The following SPAG17 variants were observed in gnomAD, a reference collection of about 807,000 sequenced individuals.
The protein encoded by SPAG17 is sperm associated antigen 17.
A neutral mutation model predicts 273.6 loss-of-function variants in SPAG17; 169 were observed. That is an observed-to-expected ratio of 0.62 (90% confidence interval 0.55 to 0.70). SPAG17 has a LOEUF of 0.70. Ranked by LOEUF, SPAG17 falls within the 30% of genes least tolerant of loss-of-function variation. The pLI is 0.00. For missense variants in SPAG17, 2,557 were observed against 2,627.8 expected (o/e 0.97, Z 0.59); for synonymous variants, 825 against 873.2 (o/e 0.94, Z 0.97).
At chr1:117,976,556 A>G (rs768629852) in intron 43 of SPAG17, among the ~76,000 whole-genome samples, 1 of 152,174 alleles carries the variant, frequency 6.6e-6, no homozygotes, top group Non-Finnish European at 1.5e-5. Context: ...GAGGGGTAGC[A>G]TGTGCTTCTG....
chr1:118,003,446 CT>C (rs1334774456), intron 32 of SPAG17, among the ~76,000 whole-genome samples: 58 of 152,334 alleles, frequency 3.8e-4, no homozygotes, highest in African/African-American at 1.3e-3. Flanking sequence ...CTCCCCATCA[CT>C]TTCAGGTCCA....
At chr1:118,130,386 G>A (rs1190997342) in intron 3 of SPAG17, among the ~76,000 whole-genome samples, 3 of 152,138 alleles carry the variant, frequency 2.0e-5, no homozygotes, top group Non-Finnish European at 4.4e-5. Flanking sequence ...AAGCTTTCTA[G>A]GGATTCCTAA....
chr1:118,178,196 C>T (rs1660783970), intron 1 of SPAG17, among the ~76,000 whole-genome samples: 1 of 152,014 alleles, frequency 6.6e-6, no homozygotes, highest in African/African-American at 2.4e-5. Context: ...TTTGCACCAA[C>T]CTAATACTAG....
chr1:117,956,306 C>T (rs1652186828), intron 48 of SPAG17, among the ~76,000 whole-genome samples: 1 of 152,064 alleles, frequency 6.6e-6, no homozygotes, highest in African/African-American at 2.4e-5. Context: ...TACATTTTTG[C>T]AATAATTGTT....
At chr1:118,153,632 AG>A (rs1454250279) in intron 1 of SPAG17, among the ~76,000 whole-genome samples, 1 of 152,132 alleles carries the variant, frequency 6.6e-6, no homozygotes, top group African/African-American at 2.4e-5. Context: ...GCAGATCACA[AG>A]GTCAGGAGAT....
intron 20 of SPAG17, among the ~76,000 whole-genome samples, chr1:118,046,582 GA>G (rs1179055373): frequency 1.3e-5 from 2 of 151,368 alleles, no homozygotes; most frequent in East Asian, 1.9e-4. Context: ...CCACTAGGAG[GA>G]AAAAAAAGGT....
chr1:118,028,233 T>G, intron 26 of SPAG17, 41 bp downstream of exon 26: 1 of 1,577,084 alleles, frequency 6.3e-7, no homozygotes, highest in East Asian at 2.3e-5. Flanking sequence ...TACGTGACAT[T>G]TTGCTCCCTG....
In SPAG17 at chr1:118,135,064, C is replaced by A. The variant is rs149637034; in HGVS notation, c.315+15479G>T. ...ACTTTGTGATTGGCACATGGAAGGCCACCAGTAAAATATGTGCTGAATAAA... is the reference window on the plus strand; with the variant it reads ...ACTTTGTGATTGGCACATGGAAGGCAACCAGTAAAATATGTGCTGAATAAA... On this transcript the variant is annotated intron_variant, in intron 3 of 48. Transcript: ENST00000336338. Among the ~76,000 whole-genome samples, 627 of 152,234 alleles carry A rather than the reference C, an allele frequency of 4.1e-3. 8 individuals carry two copies. The highest frequency in any genetic ancestry group is 0.014 in the African/African-American group (600 of 41,528).
intron 1 of SPAG17, among the ~76,000 whole-genome samples, chr1:118,181,863 C>T (rs1660965911): frequency 6.6e-6 from 1 of 152,140 alleles, no homozygotes. Flanking sequence ...ATCCTGCAAT[C>T]CTAGCACTTT....
intron 48 of SPAG17, chr1:117,959,903 T>TGCAGTGTCATGGATCTTA (rs1652801600): frequency 6.5e-6 from 1 of 152,780 alleles, no homozygotes; most frequent in Non-Finnish European, 1.5e-5. Context: ...GCCATAAAAA[T>TGCAGTGTCATGGATCTTA]GCAGTGTCAT....
chr1:118,148,643 T>C (rs1659199695), intron 3 of SPAG17, among the ~76,000 whole-genome samples: 1 of 152,180 alleles, frequency 6.6e-6, no homozygotes, highest in Admixed American at 6.5e-5. Flanking sequence ...AGAAAAGTTC[T>C]CCAAGTCCCC....
intron 46 of SPAG17, 110 bp downstream of exon 46, chr1:117,969,946 T>C (rs1571095553): frequency 1.1e-6 from 1 of 941,656 alleles, no homozygotes; most frequent in Admixed American, 2.4e-5. Context: ...GACTTATACA[T>C]AGTTTAAAAG....
At chr1:118,159,510 T>C (rs1659808482) in intron 1 of SPAG17, among the ~76,000 whole-genome samples, 1 of 152,202 alleles carries the variant, frequency 6.6e-6, no homozygotes, top group African/African-American at 2.4e-5. Flanking sequence ...TTTGTAAATT[T>C]GTTGAGTACC....
At chr1:118,024,259 A>T (rs915803120) in intron 27 of SPAG17, among the ~76,000 whole-genome samples, 2 of 151,566 alleles carry the variant, frequency 1.3e-5, no homozygotes, top group African/African-American at 4.9e-5. Flanking sequence ...TATCATATGG[A>T]CCCTTTTTCC....
intron 3 of SPAG17, among the ~76,000 whole-genome samples, chr1:118,128,649 T>G (rs773180627): frequency 1.3e-5 from 2 of 152,214 alleles, no homozygotes; most frequent in Non-Finnish European, 2.9e-5. Context: ...GACTGACTCA[T>G]GCTGCCTGCT....
chr1:118,020,412 G>A (rs1405163546), intron 28 of SPAG17, among the ~76,000 whole-genome samples: 1 of 151,446 alleles, frequency 6.6e-6, no homozygotes, highest in East Asian at 1.9e-4. Context: ...TCCAGCCTGG[G>A]CAACAGAGTG....
At chr1:118,182,085 C>CAATG (rs74904800) in intron 1 of SPAG17, among the ~76,000 whole-genome samples, 72,967 of 151,384 alleles carry the variant, frequency 0.48, 19,585 homozygotes, top group Non-Finnish European at 0.61. Flanking sequence ...AAGTGCCCAT[C>CAATG]AATGAATGAA....
intron 1 of SPAG17, among the ~76,000 whole-genome samples, chr1:118,164,151 A>G (rs147001720): frequency 4.9e-4 from 75 of 152,326 alleles, no homozygotes; most frequent in Admixed American, 4.3e-3. Context: ...TATGGATATT[A>G]TAACTACTCC....
At chr1:117,981,159 C>A in intron 43 of SPAG17, 111 bp downstream of exon 43, 1 of 1,201,438 alleles carries the variant, frequency 8.3e-7, no homozygotes, top group Non-Finnish European at 1.1e-6. Context: ...CCGTGACCCT[C>A]TCGATTTTTT....
Sources: gnomAD v4.1 joint callset for allele counts (sites outside exome capture counted in the v4.1 genomes callset) on GRCh38, gnomAD v4.1.1 for gene constraint, MANE v1.5 for transcripts, NCBI Gene and HGNC (gene_info 2026-07-23, HGNC 2026-07-21) for gene names.